The following CRPPA variants were observed in gnomAD, a reference collection of about 807,000 sequenced individuals.
CRPPA encodes D-ribitol-5-phosphate cytidylyltransferase.
A neutral mutation model predicts 52.0 loss-of-function variants in CRPPA; 43 were observed. The ratio of observed to expected loss-of-function variants is 0.83; its 90% CI spans 0.65 to 1.07. The LOEUF (loss-of-function observed/expected upper bound fraction) is 1.07, where lower values mean the gene tolerates loss of function less well. Among genes scored for constraint, CRPPA ranks in the 50% least tolerant of loss-of-function variants. The pLI, the probability that CRPPA is intolerant of heterozygous loss-of-function variation, is 0.00. For missense variants in CRPPA, 629 were observed against 551.7 expected (o/e 1.14, Z -1.40); for synonymous variants, 250 against 203.5 (o/e 1.23, Z -1.94).
intron 9 of CRPPA, among the ~76,000 whole-genome samples, chr7:16,193,695 T>C (rs1313605385): frequency 1.3e-5 from 2 of 152,082 alleles, no homozygotes; most frequent in East Asian, 3.9e-4. Context: ...TGTGTGTACA[T>C]ATAGGTATGT....
At chr7:16,242,320 C>T (rs1783139410) in intron 8 of CRPPA, among the ~76,000 whole-genome samples, 1 of 152,050 alleles carries the variant, frequency 6.6e-6, no homozygotes. Context: ...AGTACTGCAA[C>T]ACATTTACTA....
intron 9 of CRPPA, among the ~76,000 whole-genome samples, chr7:16,188,366 T>G (rs941644596): frequency 6.6e-6 from 1 of 152,170 alleles, no homozygotes; most frequent in Non-Finnish European, 1.5e-5. Flanking sequence ...AATAGATGAC[T>G]ATTAAATACA....
intron 2 of CRPPA, among the ~76,000 whole-genome samples, chr7:16,397,088 G>A (rs118083765): frequency 2.0e-5 from 3 of 152,206 alleles, no homozygotes; most frequent in African/African-American, 7.2e-5. Flanking sequence ...TGACATGGAA[G>A]ACACACGTGT....
chr7:16,356,397 G>C lies in CRPPA; in HGVS notation c.684+19695C>G, dbSNP rs1228145372. ...CTTATAATGACTGTGGTGTATTAAA[G>C]ATAGCCACAAATGCTCTTGGAGGTG... On this transcript the variant is annotated intron_variant, in intron 3 of 9. Transcript: ENST00000407010. Among the ~76,000 whole-genome samples the C allele has an allele frequency of 1.1e-4, 16 of 152,248 alleles. No individual in the cohort carries two copies. The East Asian group carries it at 3.1e-3, about 29-fold the overall frequency.
chr7:16,417,637 G>C (rs1413218695), intron 1 of CRPPA, among the ~76,000 whole-genome samples: 1 of 152,138 alleles, frequency 6.6e-6, no homozygotes, highest in African/African-American at 2.4e-5. Context: ...GATCACTAGA[G>C]GGAGGAGGGA....
chr7:16,144,851 G>A (rs1000484766), intron 9 of CRPPA, among the ~76,000 whole-genome samples: 1 of 152,136 alleles, frequency 6.6e-6, no homozygotes, highest in Non-Finnish European at 1.5e-5. Flanking sequence ...TAGCTGCGCT[G>A]TCAGGTAAAA....
At chr7:16,395,789 T>C (rs1319434514) in intron 2 of CRPPA, among the ~76,000 whole-genome samples, 1 of 152,224 alleles carries the variant, frequency 6.6e-6, no homozygotes, top group Non-Finnish European at 1.5e-5. Flanking sequence ...CATTATTTCA[T>C]GTTAAACCAT....
intron 5 of CRPPA, among the ~76,000 whole-genome samples, chr7:16,280,445 T>A (rs569788693): frequency 6.8e-4 from 104 of 152,362 alleles, no homozygotes; most frequent in African/African-American, 2.3e-3. Context: ...AAGCTCCTCA[T>A]GAAAACATTA....
At chr7:16,419,411 G>A (rs967852519) in intron 1 of CRPPA, among the ~76,000 whole-genome samples, 2 of 152,178 alleles carry the variant, frequency 1.3e-5, no homozygotes, top group African/African-American at 4.8e-5. Flanking sequence ...TTTATGGTTT[G>A]ACTCTGGAAC....
At chr7:16,335,083 G>T (rs1785644746) in intron 3 of CRPPA, among the ~76,000 whole-genome samples, 1 of 147,548 alleles carries the variant, frequency 6.8e-6, no homozygotes, top group Non-Finnish European at 1.5e-5. Context: ...AATCTGGGAG[G>T]CTGAGGCAGG....
At chr7:16,242,426 T>C (rs944673790) in intron 8 of CRPPA, among the ~76,000 whole-genome samples, 3 of 152,202 alleles carry the variant, frequency 2.0e-5, no homozygotes, top group African/African-American at 7.2e-5. Context: ...CCCATGTTCA[T>C]ATCATATCTT....
chr7:16,222,042 A>G (rs2128400442), intron 8 of CRPPA, among the ~76,000 whole-genome samples: 1 of 150,746 alleles, frequency 6.6e-6, no homozygotes, highest in Non-Finnish European at 1.5e-5. Context: ...ACTTGGAACC[A>G]ACCCAAATGT....
At chr7:16,183,667 T>C (rs977865379) in intron 9 of CRPPA, among the ~76,000 whole-genome samples, 1 of 152,122 alleles carries the variant, frequency 6.6e-6, no homozygotes. Context: ...TTGTCTATTC[T>C]ACCATCCTCA....
intron 8 of CRPPA, among the ~76,000 whole-genome samples, chr7:16,218,907 C>G (rs1269509966): frequency 6.6e-6 from 1 of 151,826 alleles, no homozygotes; most frequent in African/African-American, 2.4e-5. Context: ...AACAAGGATA[C>G]TCAGGAATTG....
At chr7:16,118,495 T>C (rs2128369085) in intron 9 of CRPPA, among the ~76,000 whole-genome samples, 1 of 152,288 alleles carries the variant, frequency 6.6e-6, no homozygotes, top group South Asian at 2.1e-4. Flanking sequence ...GCATCTCTTC[T>C]TTGACTGCTT....
At chr7:16,326,174 T>C (rs982704873) in intron 3 of CRPPA, among the ~76,000 whole-genome samples, 2 of 151,884 alleles carry the variant, frequency 1.3e-5, no homozygotes, top group East Asian at 3.9e-4. Flanking sequence ...GGATAATAAA[T>C]ATTTCCTCAG....
At chr7:16,400,636 A>T (rs1333440118) in intron 2 of CRPPA, among the ~76,000 whole-genome samples, 2 of 152,194 alleles carry the variant, frequency 1.3e-5, no homozygotes, top group African/African-American at 4.8e-5. Context: ...TGATCGAGTC[A>T]TTTTTGACAC....
intron 3 of CRPPA, among the ~76,000 whole-genome samples, chr7:16,332,121 C>A (rs1385690636): frequency 6.6e-6 from 1 of 152,190 alleles, no homozygotes; most frequent in Non-Finnish European, 1.5e-5. Context: ...CATCTGTCTT[C>A]TCACAAACCA....
At chr7:16,095,714 A>G (rs1781922517) in intron 9 of CRPPA, among the ~76,000 whole-genome samples, 1 of 152,192 alleles carries the variant, frequency 6.6e-6, no homozygotes, top group African/African-American at 2.4e-5. Flanking sequence ...CAAGGAGAGC[A>G]TAGCAATCTC....
Sources: gnomAD v4.1 joint callset for allele counts (sites outside exome capture counted in the v4.1 genomes callset) on GRCh38, gnomAD v4.1.1 for gene constraint, MANE v1.5 for transcripts, NCBI Gene and HGNC (gene_info 2026-07-23, HGNC 2026-07-21) for gene names.